JAZF1: variants seen among roughly 807,000 people sequenced by gnomAD.
JAZF1 encodes juxtaposed with another zinc finger protein 1.
JAZF1 carries 8 observed loss-of-function variants against 26.4 expected under a neutral mutation model. That is an observed-to-expected ratio of 0.30 (90% confidence interval 0.18 to 0.55). JAZF1 has a LOEUF of 0.55. Among genes scored for constraint, JAZF1 ranks in the 20% least tolerant of loss-of-function variants. JAZF1 has a pLI of 0.94. For synonymous variants in JAZF1, 126 were observed against 122.3 expected (o/e 1.03, Z -0.20); for missense variants, 199 against 322.0 (o/e 0.62, Z 2.92).
chr7:27,845,909 C>T (rs1186177576), intron 3 of JAZF1, among the ~76,000 whole-genome samples: 9 of 151,946 alleles, frequency 5.9e-5, no homozygotes. Context: ...CTACCCCACC[C>T]TTTCCAGCCC....
At chr7:28,024,693 G>A (rs1337746800) in intron 1 of JAZF1, among the ~76,000 whole-genome samples, 2 of 152,202 alleles carry the variant, frequency 1.3e-5, no homozygotes, top group African/African-American at 2.4e-5. Flanking sequence ...AAGATAGGAA[G>A]TGATGATAAA....
chr7:27,890,470 G>C (rs1234243600), intron 3 of JAZF1, among the ~76,000 whole-genome samples: 3 of 152,174 alleles, frequency 2.0e-5, no homozygotes, highest in Non-Finnish European at 1.5e-5. Flanking sequence ...GTTTGGAGGT[G>C]TCAAGTTCAC....
chr7:27,890,477 TCA>T (rs1321789520), intron 3 of JAZF1, among the ~76,000 whole-genome samples: 2 of 152,210 alleles, frequency 1.3e-5, no homozygotes, highest in East Asian at 1.9e-4. Flanking sequence ...GGTGTCAAGT[TCA>T]CACACAGTGT....
chr7:27,874,706 A>ATG (rs1783643858), intron 3 of JAZF1, among the ~76,000 whole-genome samples: 1 of 6,200 alleles, frequency 1.6e-4, no homozygotes, highest in African/African-American at 2.0e-3. Flanking sequence ...CAACCACTGA[A>ATG]CCTTTAATCG....
intron 1 of JAZF1, among the ~76,000 whole-genome samples, chr7:28,084,495 C>T (rs1784183989): frequency 6.6e-6 from 1 of 152,216 alleles, no homozygotes; most frequent in South Asian, 2.1e-4. Flanking sequence ...CCCTCAAATT[C>T]CAAGAGAGTT....
chr7:28,149,470 A>G (rs185757125), intron 1 of JAZF1, among the ~76,000 whole-genome samples: 91 of 152,064 alleles, frequency 6.0e-4, no homozygotes, highest in Non-Finnish European at 7.1e-4. Context: ...AAAGTTCCCC[A>G]CCCCACCCCC....
At chr7:28,030,911 A>C (rs1371041803) in intron 1 of JAZF1, among the ~76,000 whole-genome samples, 2 of 152,188 alleles carry the variant, frequency 1.3e-5, no homozygotes. Flanking sequence ...CCTTCTTATG[A>C]TATATTCAGA....
At chr7:28,110,404 C>T (rs992066501) in intron 1 of JAZF1, among the ~76,000 whole-genome samples, 9 of 143,446 alleles carry the variant, frequency 6.3e-5, no homozygotes, top group Admixed American at 1.5e-4. Flanking sequence ...CCAGCCTGGG[C>T]GACAGAGTGA....
At chr7:27,911,592 T>A (rs1784361254) in intron 2 of JAZF1, among the ~76,000 whole-genome samples, 1 of 152,232 alleles carries the variant, frequency 6.6e-6, no homozygotes, top group South Asian at 2.1e-4. Flanking sequence ...TAGCCACATA[T>A]GGCTAAGGGC....
intron 1 of JAZF1, among the ~76,000 whole-genome samples, chr7:28,111,790 C>G (rs1784664972): frequency 6.6e-6 from 1 of 152,132 alleles, no homozygotes; most frequent in Non-Finnish European, 1.5e-5. Context: ...ATGCAGCATG[C>G]ATGCATGTGC....
chr7:27,948,909 A>G (rs1337354547), intron 2 of JAZF1, among the ~76,000 whole-genome samples: 1 of 152,160 alleles, frequency 6.6e-6, no homozygotes, highest in African/African-American at 2.4e-5. Context: ...AATTAACTTC[A>G]CGGATTTCTA....
chr7:27,832,903 C>T lies in JAZF1; in HGVS notation c.629G>A (p.Cys210Tyr). The T allele has an allele frequency of 6.2e-7, 1 of 1,613,522 alleles. No homozygotes were observed. The highest frequency in any genetic ancestry group is 8.5e-7 in the Non-Finnish European group (1 of 1,179,752). Residue 210 changes from cysteine (C) to tyrosine (Y), a missense_variant, in exon 5 of 5, where the codon TGT becomes TAT. Coordinates refer to ENST00000283928, the MANE Select transcript of JAZF1 (RefSeq NM_175061.4). The part of the protein sequence containing the change: ...TQIRVRKPFK[C>Y]RCGKSYKTAQ... ...TGTCTTGTAACTCTTCCCACAGCGA[C>T]ACTTGAATGGTTTGCGGACACGAAT...
intron 1 of JAZF1, among the ~76,000 whole-genome samples, chr7:28,052,602 GAAAC>G (rs113733953): frequency 4.2e-4 from 64 of 152,256 alleles, no homozygotes; most frequent in Admixed American, 2.0e-4. Flanking sequence ...TTAAAACAAA[GAAAC>G]AAACAACACC....
chr7:28,123,957 G>A (rs1782649204), intron 1 of JAZF1, among the ~76,000 whole-genome samples: 2 of 152,172 alleles, frequency 1.3e-5, no homozygotes. Context: ...TTTGACTGCT[G>A]AGAAAGAACA....
At chr7:28,127,350 G>C (rs551229631) in intron 1 of JAZF1, among the ~76,000 whole-genome samples, 1 of 152,204 alleles carries the variant, frequency 6.6e-6, no homozygotes, top group Non-Finnish European at 1.5e-5. Flanking sequence ...GATGCCAGAG[G>C]AAGCTGTGGA....
chr7:27,841,508 A>G (rs1176917588), intron 3 of JAZF1: 1 of 152,404 alleles, frequency 6.6e-6, no homozygotes, highest in Non-Finnish European at 1.5e-5. Flanking sequence ...AATGTGGGGT[A>G]GCTCCTGGAA....
At chr7:27,929,864 T>C (rs1259824437) in intron 2 of JAZF1, among the ~76,000 whole-genome samples, 2 of 152,126 alleles carry the variant, frequency 1.3e-5, no homozygotes, top group Non-Finnish European at 2.9e-5. Flanking sequence ...ATATCAACAG[T>C]GGTTATCTCT....
chr7:28,084,969 G>A (rs1784191532), intron 1 of JAZF1, among the ~76,000 whole-genome samples: 1 of 152,196 alleles, frequency 6.6e-6, no homozygotes, highest in Non-Finnish European at 1.5e-5. Flanking sequence ...ACCTGGGCTG[G>A]CATGTTTGCA....
At chr7:27,967,497 A>C (rs764802648) in intron 2 of JAZF1, among the ~76,000 whole-genome samples, 1 of 152,304 alleles carries the variant, frequency 6.6e-6, no homozygotes. Context: ...CTTGCCAGCC[A>C]TATTTGTGTA....
Sources: allele counts gnomAD v4.1 joint callset (sites outside exome capture counted in the v4.1 genomes callset), GRCh38; gene constraint gnomAD v4.1.1; transcripts MANE v1.5; gene names NCBI Gene and HGNC (gene_info 2026-07-23, HGNC 2026-07-21).